SERGEF: variants seen among roughly 807,000 people sequenced by gnomAD.
SERGEF encodes secretion-regulating guanine nucleotide exchange factor.
SERGEF carries 51 observed loss-of-function variants against 50.0 expected under a neutral mutation model. The ratio of observed to expected loss-of-function variants is 1.02; its 90% CI spans 0.81 to 1.29. SERGEF has a LOEUF of 1.29. SERGEF is among the 50% of genes most tolerant of loss of function. The pLI, the probability that SERGEF is intolerant of heterozygous loss-of-function variation, is 0.00. For missense variants in SERGEF, 521 were observed against 557.0 expected (o/e 0.94, Z 0.65); for synonymous variants, 205 against 212.4 (o/e 0.97, Z 0.30).
chr11:17,877,422 G>C (rs1022468036), intron 10 of SERGEF, among the ~76,000 whole-genome samples: 1 of 152,170 alleles, frequency 6.6e-6, no homozygotes, highest in African/African-American at 2.4e-5. Context: ...GGAGTTAAGC[G>C]TCATTCTATG....
intron 10 of SERGEF, among the ~76,000 whole-genome samples, chr11:17,860,050 T>C (rs983290851): frequency 3.3e-5 from 5 of 152,082 alleles, no homozygotes; most frequent in African/African-American, 1.2e-4. Context: ...AGGCCTAGAG[T>C]AACCATTTCA....
intron 2 of SERGEF, among the ~76,000 whole-genome samples, chr11:18,007,524 CTTG>C (rs889509918): frequency 3.3e-5 from 5 of 152,196 alleles, no homozygotes; most frequent in African/African-American, 1.2e-4. Context: ...ACTTGTACTA[CTTG>C]TTAAGTGCTA....
At position 17,840,838 on chromosome 11, in the gene SERGEF, T is replaced by C. The variant is rs1850488527; in HGVS notation, c.1048+37370A>G. Among the ~76,000 whole-genome samples, 4 of 152,326 alleles carry C rather than the reference T, an allele frequency of 2.6e-5. No individual in the cohort carries two copies. The South Asian group carries it at 6.2e-4, about 24-fold the overall frequency. ...GGTTCTGGGGCTGTCGCTTCTGAAG[T>C]ACCACGGGTCCTTTCTGACTTGACA... On this transcript the variant is annotated intron_variant, in intron 10 of 10. Transcript: ENST00000265965.
At chr11:18,011,139 C>CACAT (rs1341981359) in intron 1 of SERGEF, among the ~76,000 whole-genome samples, 2 of 141,128 alleles carry the variant, frequency 1.4e-5, no homozygotes, top group African/African-American at 2.7e-5. Flanking sequence ...TGCACACATA[C>CACAT]ACACACACAC....
At chr11:17,977,746 TAA>T (rs142656105) in intron 8 of SERGEF, among the ~76,000 whole-genome samples, 3,371 of 152,240 alleles carry the variant, frequency 0.022, 111 homozygotes, top group African/African-American at 0.075. Context: ...ATTGGCCTTA[TAA>T]AAGAAACCCC....
At chr11:17,934,844 C>A (rs1166898931) in intron 9 of SERGEF, among the ~76,000 whole-genome samples, 1 of 152,192 alleles carries the variant, frequency 6.6e-6, no homozygotes, top group East Asian at 1.9e-4. Flanking sequence ...CCACCTAATA[C>A]CACGTCACAT....
At chr11:17,816,234 A>G (rs775677251) in intron 10 of SERGEF, among the ~76,000 whole-genome samples, 1 of 152,174 alleles carries the variant, frequency 6.6e-6, no homozygotes, top group Non-Finnish European at 1.5e-5. Flanking sequence ...TTTTCTGAAT[A>G]ATAACTCTAG....
intron 10 of SERGEF, among the ~76,000 whole-genome samples, chr11:17,843,568 C>T (rs1256150155): frequency 6.6e-6 from 1 of 152,196 alleles, no homozygotes; most frequent in Non-Finnish European, 1.5e-5. Flanking sequence ...GGTCTTTCCA[C>T]TTACTGTTCT....
intron 9 of SERGEF, among the ~76,000 whole-genome samples, chr11:17,926,111 T>A (rs1422628666): frequency 1.3e-5 from 2 of 152,182 alleles, no homozygotes; most frequent in African/African-American, 4.8e-5. Context: ...AGCTCAGTCA[T>A]TAGATGTCAG....
At chr11:17,807,927 G>A (rs1468191355) in intron 10 of SERGEF, among the ~76,000 whole-genome samples, 2 of 152,174 alleles carry the variant, frequency 1.3e-5, no homozygotes, top group East Asian at 1.9e-4. Flanking sequence ...TCCAAATTGA[G>A]AACATGCCAA....
chr11:17,985,038 G>C (rs1853566020), intron 8 of SERGEF, among the ~76,000 whole-genome samples: 1 of 152,192 alleles, frequency 6.6e-6, no homozygotes, highest in Non-Finnish European at 1.5e-5. Context: ...TTGATAATAT[G>C]AAAGAGCCAC....
chr11:17,910,267 G>A lies in SERGEF; in HGVS notation c.1012-32023C>T, dbSNP rs1402359027. The stretch of plus-strand genomic sequence containing the variant: ...CAGGGTTGGTTAGTTGGTTTGCTTA[G>A]AGACAGGGTCTCACTGTGCTACCCA... On this transcript the variant is annotated intron_variant, in intron 9 of 10. Coordinates refer to ENST00000265965, the MANE Select transcript of SERGEF (RefSeq NM_012139.4). 2.6e-5 allele frequency among the ~76,000 whole-genome samples: 4 copies of A among 151,922 alleles called. No homozygotes were observed. In the South Asian group the frequency reaches 8.3e-4, roughly 32 times the overall value.
chr11:17,900,282 G>A (rs1851725029), intron 9 of SERGEF, among the ~76,000 whole-genome samples: 1 of 152,092 alleles, frequency 6.6e-6, no homozygotes, highest in Admixed American at 6.5e-5. Context: ...GAATAACATA[G>A]TTGCCATTTC....
intron 10 of SERGEF, among the ~76,000 whole-genome samples, chr11:17,814,098 T>C (rs1273239488): frequency 6.6e-6 from 1 of 152,242 alleles, no homozygotes; most frequent in East Asian, 1.9e-4. Context: ...ATGTCTTTGT[T>C]GAGAACTCTA....
intron 4 of SERGEF, among the ~76,000 whole-genome samples, chr11:18,001,648 G>A (rs1590245438): frequency 6.6e-6 from 1 of 152,288 alleles, no homozygotes; most frequent in Middle Eastern, 3.4e-3. Flanking sequence ...ATAAATGTTT[G>A]CTGTTTTAAG....
rs750084173 is a variant in SERGEF at position 17,888,362 on chromosome 11, CTAAA to C, written c.1012-10122_1012-10119del. ...ATAACTCTTGAACACAGTACTTTGACTAAATAACTTCTGTTTACAAACAAACAAT... is the reference window on the plus strand; with the variant it reads ...ATAACTCTTGAACACAGTACTTTGACTAACTTCTGTTTACAAACAAACAAT... On this transcript the variant is annotated intron_variant, in intron 9 of 10. Coordinates refer to ENST00000265965, the MANE Select transcript of SERGEF (RefSeq NM_012139.4). This position sits in a 1 kb window ranked among gnomAD's most constrained non-coding sequence, Gnocchi z 4.1. 6.6e-5 allele frequency among the ~76,000 whole-genome samples: 10 copies of C among 152,114 alleles called. No individual in the cohort carries two copies. The highest frequency in any genetic ancestry group is 1.2e-4 in the Non-Finnish European group (8 of 68,014).
chr11:17,872,431 G>T, intron 10 of SERGEF, among the ~76,000 whole-genome samples: 1 of 152,114 alleles, frequency 6.6e-6, no homozygotes, highest in Admixed American at 6.6e-5. Flanking sequence ...ATAAACAAAA[G>T]CTACCCTGAG....
chr11:17,999,625 G>C, intron 5 of SERGEF: 3 of 452,548 alleles, frequency 6.6e-6, no homozygotes, highest in East Asian at 7.0e-5. Flanking sequence ...AGAGATAAAA[G>C]GGTCACCATT....
At chr11:17,834,796 C>T (rs1850372653) in intron 10 of SERGEF, among the ~76,000 whole-genome samples, 1 of 152,174 alleles carries the variant, frequency 6.6e-6, no homozygotes, top group Non-Finnish European at 1.5e-5. Flanking sequence ...ATCTCTTTTA[C>T]GTTTTTCTCT....
Sources: allele counts gnomAD v4.1 joint callset (sites outside exome capture counted in the v4.1 genomes callset), GRCh38; gene constraint gnomAD v4.1.1; non-coding constraint Gnocchi (gnomAD v3.1); transcripts MANE v1.5; gene names NCBI Gene and HGNC (gene_info 2026-07-23, HGNC 2026-07-21).